The following LRRC4C variants were observed in gnomAD, a reference collection of about 807,000 sequenced individuals.
The protein encoded by LRRC4C is leucine rich repeat containing 4C.
LRRC4C carries 5 observed loss-of-function variants against 33.6 expected under a neutral mutation model. That is an observed-to-expected ratio of 0.15 (90% CI 0.08 to 0.31). The LOEUF (loss-of-function observed/expected upper bound fraction) is 0.31, where lower values mean the gene tolerates loss of function less well. LRRC4C is among the 10% of genes least tolerant of loss of function. The pLI is 1.00. For synonymous variants in LRRC4C, 329 were observed against 302.0 expected, an observed-to-expected ratio of 1.09 and a Z score of -0.93; for missense variants, 560 against 796.7, an observed-to-expected ratio of 0.70 and a Z score of 3.58.
chr11:41,405,191 A>G (rs1222085013), intron 1 of LRRC4C, among the ~76,000 whole-genome samples: 1 of 152,120 alleles, frequency 6.6e-6, no homozygotes, highest in Non-Finnish European at 1.5e-5. Context: ...CTCCAAACCA[A>G]GAAGGTGACA....
At chr11:41,270,582 G>A (rs978026167) in intron 1 of LRRC4C, among the ~76,000 whole-genome samples, 1 of 152,040 alleles carries the variant, frequency 6.6e-6, no homozygotes, top group Non-Finnish European at 1.5e-5. Flanking sequence ...TTCAGTCAAA[G>A]TAAGAGAAAT....
intron 4 of LRRC4C, among the ~76,000 whole-genome samples, chr11:40,277,354 T>C (rs1037199977): frequency 2.0e-5 from 3 of 152,058 alleles, no homozygotes; most frequent in Non-Finnish European, 4.4e-5. Flanking sequence ...GCATAAAAAG[T>C]TTTACTTTCA....
chr11:40,291,512 G>A (rs1003694897), intron 4 of LRRC4C, among the ~76,000 whole-genome samples: 32 of 152,300 alleles, frequency 2.1e-4, no homozygotes, highest in Admixed American at 1.8e-3. Flanking sequence ...GAAGTCCTCA[G>A]TTAGAAGGGG....
intron 1 of LRRC4C, among the ~76,000 whole-genome samples, chr11:41,053,176 A>G (rs1413236195): frequency 6.6e-6 from 1 of 152,216 alleles, no homozygotes; most frequent in Non-Finnish European, 1.5e-5. Flanking sequence ...GGCAGGGCAC[A>G]GGATTTGTTT....
intron 5 of LRRC4C, among the ~76,000 whole-genome samples, chr11:40,203,785 C>A (rs936852199): frequency 6.6e-6 from 1 of 152,168 alleles, no homozygotes; most frequent in African/African-American, 2.4e-5. Flanking sequence ...GCAGGCATTT[C>A]ATCTAAACAA....
chr11:40,532,647 A>G (rs1365663141), intron 3 of LRRC4C, among the ~76,000 whole-genome samples: 1 of 150,712 alleles, frequency 6.6e-6, no homozygotes, highest in Non-Finnish European at 1.5e-5. Context: ...TTGTAAAAAT[A>G]TCAATGTTTT....
intron 1 of LRRC4C, among the ~76,000 whole-genome samples, chr11:41,388,148 A>G (rs908369524): frequency 6.6e-6 from 1 of 151,878 alleles, no homozygotes; most frequent in Non-Finnish European, 1.5e-5. Context: ...AGATAGGCTT[A>G]CACATCCATT....
At chr11:41,105,227 A>G (rs1447645392) in intron 1 of LRRC4C, among the ~76,000 whole-genome samples, 2 of 151,904 alleles carry the variant, frequency 1.3e-5, no homozygotes, top group East Asian at 1.9e-4. Flanking sequence ...TTCAGTCTTG[A>G]TGATCAGCTT....
chr11:40,977,306 T>G (rs967142794), intron 1 of LRRC4C, among the ~76,000 whole-genome samples: 3 of 152,138 alleles, frequency 2.0e-5, no homozygotes. Flanking sequence ...ATAACCAGGG[T>G]GGCACTTGAT....
chr11:40,973,504 A>G (rs986560443), intron 1 of LRRC4C, among the ~76,000 whole-genome samples: 6 of 152,180 alleles, frequency 3.9e-5, no homozygotes, highest in Non-Finnish European at 7.4e-5. Flanking sequence ...AGCCCACAGA[A>G]AGTTCTAAGA....
chr11:41,203,383 A>G (rs1445502137), intron 1 of LRRC4C, among the ~76,000 whole-genome samples: 1 of 152,176 alleles, frequency 6.6e-6, no homozygotes, highest in African/African-American at 2.4e-5. Context: ...CAAATACTGG[A>G]CCGTTTTAAA....
intron 1 of LRRC4C, among the ~76,000 whole-genome samples, chr11:40,955,091 T>C (rs886302836): frequency 6.6e-5 from 10 of 151,784 alleles, no homozygotes; most frequent in African/African-American, 2.4e-4. Flanking sequence ...ATGGAACCAA[T>C]TGCCAGTGAA....
intron 3 of LRRC4C, among the ~76,000 whole-genome samples, chr11:40,452,353 A>T (rs1031236353): frequency 6.6e-6 from 1 of 152,216 alleles, no homozygotes; most frequent in African/African-American, 2.4e-5. Flanking sequence ...AAACAACCCC[A>T]TCAAAAAGTG....
intron 2 of LRRC4C, among the ~76,000 whole-genome samples, chr11:40,933,132 TAAAG>T (rs1294126164): frequency 1.3e-5 from 2 of 152,052 alleles, no homozygotes; most frequent in African/African-American, 2.4e-5. Flanking sequence ...TAGAGAAAGA[TAAAG>T]GAAGGATAAA....
At chr11:40,857,377 C>T (rs753363870) in intron 2 of LRRC4C, among the ~76,000 whole-genome samples, 14 of 152,182 alleles carry the variant, frequency 9.2e-5, no homozygotes, top group East Asian at 3.9e-4. Flanking sequence ...GGCCCCAGTG[C>T]GTGTTGTTCC....
chr11:40,560,126 C>A (rs1591106936), intron 3 of LRRC4C, among the ~76,000 whole-genome samples: 2 of 152,108 alleles, frequency 1.3e-5, no homozygotes, highest in African/African-American at 2.4e-5. Context: ...TCTGGGTGAC[C>A]TGTTCTTGGA....
chr11:40,719,170 A>AG (rs1946880522), intron 2 of LRRC4C, among the ~76,000 whole-genome samples: 1 of 152,232 alleles, frequency 6.6e-6, no homozygotes, highest in Admixed American at 6.5e-5. Context: ...ATAAAGGCTT[A>AG]CAATTTCCTG....
chr11:40,933,118 T>C (rs1484459519), intron 2 of LRRC4C, among the ~76,000 whole-genome samples: 1 of 152,106 alleles, frequency 6.6e-6, no homozygotes, highest in Non-Finnish European at 1.5e-5. Flanking sequence ...ATGGACCAGG[T>C]TGATAGAGAA....
chr11:40,284,550 G>A (rs1943703782), intron 4 of LRRC4C, among the ~76,000 whole-genome samples: 1 of 152,184 alleles, frequency 6.6e-6, no homozygotes, highest in Admixed American at 6.5e-5. Flanking sequence ...TCTAGAGGAA[G>A]AACGAGTAAT....
Sources: allele counts gnomAD v4.1 joint callset (sites outside exome capture counted in the v4.1 genomes callset), GRCh38; gene constraint gnomAD v4.1.1; transcripts MANE v1.5; gene names NCBI Gene and HGNC (gene_info 2026-07-23, HGNC 2026-07-21).